SASH1: variants seen among roughly 807,000 people sequenced by gnomAD.
SASH1 encodes the protein SAM and SH3 domain containing 1, also known as SAM and SH3 domain-containing protein 1.
Under a neutral mutation model 125.2 loss-of-function variants are expected in SASH1, and 44 were observed. That is an observed-to-expected ratio of 0.35 (90% CI 0.28 to 0.45). The LOEUF (loss-of-function observed/expected upper bound fraction) is 0.45, where lower values mean the gene tolerates loss of function less well. Among genes scored for constraint, SASH1 ranks in the 20% least tolerant of loss-of-function variants. The pLI is 1.00. For synonymous variants in SASH1, 639 were observed against 649.1 expected (o/e 0.98, Z 0.24); for missense variants, 1,426 against 1,614.5 (o/e 0.88, Z 2.00).
At chr6:148,416,251 A>C (rs1328024325) in intron 2 of SASH1, among the ~76,000 whole-genome samples, 1 of 152,208 alleles carries the variant, frequency 6.6e-6, no homozygotes, top group East Asian at 1.9e-4. Flanking sequence ...AAACAAAAGC[A>C]AAGTCTTTGA....
intron 1 of SASH1, among the ~76,000 whole-genome samples, chr6:148,292,982 T>G (rs1342390147): frequency 6.6e-6 from 1 of 151,258 alleles, no homozygotes; most frequent in Non-Finnish European, 1.5e-5. Context: ...AACCTGGGAG[T>G]TGGAGGTTGC....
At position 148,519,075 on chromosome 6, in the gene SASH1, A is replaced by AT. The variant is rs1364865757; in HGVS notation, c.863-471dup. 6.6e-6 allele frequency among the ~76,000 whole-genome samples: 1 copy of AT among 152,212 alleles called. No homozygotes were observed. The highest frequency in any genetic ancestry group is 1.5e-5 in the Non-Finnish European group (1 of 68,036). On this transcript the variant is annotated intron_variant, in intron 9 of 19. Transcript: ENST00000367467. The surrounding 1 kb of genome is among the most constrained non-coding windows in gnomAD (Gnocchi z 4.8). ...TTGGAGATTTAGTCACTCAAATGGC[A>AT]TATGTACCAATAAAACAATCACTGT...
At chr6:148,277,350 T>A (rs1779215417) in intron 1 of SASH1, among the ~76,000 whole-genome samples, 1 of 152,094 alleles carries the variant, frequency 6.6e-6, no homozygotes, top group Non-Finnish European at 1.5e-5. Flanking sequence ...ACCTGAGAAG[T>A]TAGAATGGTA....
intron 1 of SASH1, among the ~76,000 whole-genome samples, chr6:148,297,295 A>AT (rs1779789982): frequency 6.6e-6 from 1 of 152,222 alleles, no homozygotes; most frequent in South Asian, 2.1e-4. Context: ...ATTTTCCTGC[A>AT]TAAAGAGGAT....
Position 148,378,631 on chromosome 6 carries a change from C to CCT in SASH1, c.157-11503_157-11502insCT, listed in dbSNP as rs1562364350. On this transcript the variant is annotated intron_variant, in intron 1 of 19. Transcript: ENST00000367467. The stretch of plus-strand genomic sequence containing the variant: ...TGCCTTAAAGTGCTGTGATTATCAG[C>CCT]GTGAGCCACCGTGCCTGGTTGATAA... Among the ~76,000 whole-genome samples, 549 of 152,294 alleles carry CCT rather than the reference C, an allele frequency of 3.6e-3. 2 individuals carry two copies. The highest frequency in any genetic ancestry group is 0.013 in the African/African-American group (527 of 41,554).
rs530461570 is a variant in SASH1 at position 148,383,651 on chromosome 6, C to T, written c.157-6483C>T. ...TTTTTTCTTTTTATTTTTTTCCTCT[C>T]CTGAATCTGTCAACTTATTCTAAAC... is the stretch of plus-strand genomic sequence containing the variant. On this transcript the variant is annotated intron_variant, in intron 1 of 19. Transcript: ENST00000367467. Among the ~76,000 whole-genome samples, 8 of 152,064 alleles carry T rather than the reference C, an allele frequency of 5.3e-5. No individual in the cohort carries two copies. The South Asian group carries it at 1.7e-3, about 32-fold the overall frequency.
chr6:148,421,162 A>AGGG (rs1785063775), intron 2 of SASH1, among the ~76,000 whole-genome samples: 1 of 89,134 alleles, frequency 1.1e-5, no homozygotes, highest in African/African-American at 3.9e-5. Flanking sequence ...AGAAAGAAAG[A>AGGG]AAGAAAGAAA....
intron 2 of SASH1, among the ~76,000 whole-genome samples, chr6:148,397,579 C>T (rs1006946569): frequency 8.5e-5 from 13 of 152,118 alleles, no homozygotes; most frequent in East Asian, 1.9e-4. Context: ...CCACGTCACC[C>T]GCAGCCCAGC....
At chr6:148,439,071 T>C (rs192928624) in intron 2 of SASH1, among the ~76,000 whole-genome samples, 1 of 152,348 alleles carries the variant, frequency 6.6e-6, no homozygotes, top group East Asian at 1.9e-4. Context: ...AATTGAACAA[T>C]TAGATGCATG....
chr6:148,425,840 T>C (rs1314059130), intron 2 of SASH1, among the ~76,000 whole-genome samples: 2 of 150,896 alleles, frequency 1.3e-5, no homozygotes, highest in Non-Finnish European at 2.9e-5. Flanking sequence ...CAAGTGATTC[T>C]CCTGCCTCAG....
Position 148,544,039 on chromosome 6 carries a change from G to A in SASH1, c.2569G>A (p.Val857Met). 1 of 1,614,098 alleles carries A rather than the reference G, an allele frequency of 6.2e-7. No homozygotes were observed. The highest frequency in any genetic ancestry group is 8.5e-7 in the Non-Finnish European group (1 of 1,180,030). Residue 857 changes from valine (V) to methionine (M), a missense_variant, in exon 18 of 20, where the codon GTG becomes ATG. By Grantham distance (21) the Val-to-Met change is conservative. Coordinates refer to ENST00000367467, the MANE Select transcript of SASH1 (RefSeq NM_015278.5). This position sits in a 1 kb window ranked among gnomAD's most constrained non-coding sequence, Gnocchi z 6.4. ...TGCTGAGCAAGACGTGCCTACCGAGGTGACAGAACCGCCCCCTCAGATTGT... is the reference window on the plus strand; with the variant it reads ...TGCTGAGCAAGACGTGCCTACCGAGATGACAGAACCGCCCCCTCAGATTGT... ...PGAEQDVPTEVTEPPPQIVPE... is the reference protein window; with the variant it reads ...PGAEQDVPTEMTEPPPQIVPE...
In SASH1 at chr6:148,546,006, C is replaced by T. The variant is rs1445330858; in HGVS notation, c.3349-9C>T. The T allele has an allele frequency of 6.2e-7, 1 of 1,612,370 alleles. No individual in the cohort carries two copies. Among genetic ancestry groups the T allele is most frequent in the Non-Finnish European group, 8.5e-7 (1 of 1,179,400 alleles). On this transcript the variant is annotated splice_polypyrimidine_tract_variant and intron_variant, in intron 18 of 19. Transcript: ENST00000367467. ...ACTCTTGATGTCATATTCCTGTTCT[C>T]CCTGGCAGCATGGCCGCTGTGGGAT...
chr6:148,545,976 T>G, intron 18 of SASH1, 39 bp from the exon 19 acceptor site: 2 of 1,598,300 alleles, frequency 1.3e-6, no homozygotes, highest in Non-Finnish European at 1.7e-6. Context: ...AACAAAATCC[T>G]TATGACTCTT....
At chr6:148,387,636 CTTTCTTTCTTTCT>C (rs1783497281) in intron 1 of SASH1, among the ~76,000 whole-genome samples, 2 of 37,844 alleles carry the variant, frequency 5.3e-5, no homozygotes, top group Admixed American at 6.7e-4. Context: ...TTCTTTCTTT[CTTTCTTTCTTTCT>C]TTCTTTCTTT....
intron 7 of SASH1, among the ~76,000 whole-genome samples, chr6:148,486,609 T>C (rs1262259482): frequency 2.7e-5 from 4 of 149,358 alleles, no homozygotes; most frequent in Non-Finnish European, 5.9e-5. Flanking sequence ...AAGACAAACA[T>C]GTGATTGTTA....
chr6:148,248,957 A>G, the SASH1 span, among the ~76,000 whole-genome samples: 1 of 152,204 alleles, frequency 6.6e-6, no homozygotes, highest in South Asian at 2.1e-4. Context: ...AAAATCTCCA[A>G]TTAGGATTCA....
At chr6:148,522,249 CCTTTT>C (rs2115361594) in intron 10 of SASH1, among the ~76,000 whole-genome samples, 1 of 152,252 alleles carries the variant, frequency 6.6e-6, no homozygotes, top group African/African-American at 2.4e-5. Flanking sequence ...TTTGCATATT[CCTTTT>C]CTTGTAGTAC....
At position 148,381,617 on chromosome 6, in the gene SASH1, C is replaced by CTTTTTTTTTTTTTTTTT. The variant is rs201145545; in HGVS notation, c.157-8507_157-8491dup. ...ACTCCATCAGTGCCTTTCTTGCTTT[C>CTTTTTTTTTTTTTTTTT]TTTTTTTTTTTTTTTTTTTTTTTTT... is the stretch of plus-strand genomic sequence containing the variant. On this transcript the variant is annotated intron_variant, in intron 1 of 19. Transcript: ENST00000367467. Among the ~76,000 whole-genome samples the CTTTTTTTTTTTTTTTTT allele has an allele frequency of 1.8e-4, 14 of 77,892 alleles. 2 individuals carry two copies. The highest frequency in any genetic ancestry group is 4.2e-4 in the African/African-American group (8 of 19,086). The allele number at this position is 77,892 out of a possible 152,430, so 51.1% of individuals were successfully genotyped here. A position where few individuals can be genotyped will look rare whatever the true frequency, so the allele number is the denominator to read the frequency against.
chr6:148,440,438 C>T, intron 4 of SASH1, 31 bp downstream of exon 4: 2 of 1,601,450 alleles, frequency 1.2e-6, no homozygotes, highest in Non-Finnish European at 1.7e-6. Flanking sequence ...CCAGGACCAC[C>T]TTCCAAGAAG....
Sources: gnomAD v4.1 joint callset for allele counts (sites outside exome capture counted in the v4.1 genomes callset) on GRCh38, gnomAD v4.1.1 for gene constraint, Gnocchi (gnomAD v3.1) non-coding constraint, MANE v1.5 for transcripts, NCBI Gene and HGNC (gene_info 2026-07-23, HGNC 2026-07-21) for gene names.